The following ITGB8 variants were observed in gnomAD, a reference collection of about 807,000 sequenced individuals.
The protein encoded by ITGB8 is integrin subunit beta 8.
Under a neutral mutation model 89.5 loss-of-function variants are expected in ITGB8, and 30 were observed. The ratio of observed to expected loss-of-function variants is 0.34; its 90% CI spans 0.25 to 0.45. The LOEUF (loss-of-function observed/expected upper bound fraction) is 0.45, where lower values mean the gene tolerates loss of function less well. Among genes scored for constraint, ITGB8 ranks in the 20% least tolerant of loss-of-function variants. ITGB8 has a pLI of 1.00. For missense variants in ITGB8, 836 were observed against 933.3 expected, an observed-to-expected ratio of 0.90 and a Z score of 1.36; for synonymous variants, 335 against 320.4, an observed-to-expected ratio of 1.05 and a Z score of -0.49.
At chr7:20,402,406 AG>A (rs2127983147) in intron 10 of ITGB8, among the ~76,000 whole-genome samples, 1 of 152,362 alleles carries the variant, frequency 6.6e-6, no homozygotes, top group Admixed American at 6.5e-5. Context: ...GAAATATACC[AG>A]AAAAGGAAAT....
At chr7:20,384,625 T>A (rs1786530524) in intron 6 of ITGB8, among the ~76,000 whole-genome samples, 1 of 152,218 alleles carries the variant, frequency 6.6e-6, no homozygotes, top group African/African-American at 2.4e-5. Flanking sequence ...CATTAATAAA[T>A]TGCAGAGTTG....
intron 3 of ITGB8, among the ~76,000 whole-genome samples, chr7:20,370,049 A>G (rs1039152805): frequency 1.3e-5 from 2 of 151,924 alleles, no homozygotes; most frequent in African/African-American, 4.8e-5. Context: ...CAAAAAAAAC[A>G]TAAGAAAAAC....
In ITGB8 at chr7:20,401,881, G is replaced by T; in HGVS notation, c.1442G>T (p.Cys481Phe). The change falls in exon 10 of 14, where the codon TGT becomes TTT. Residue 481 changes from cysteine (C) to phenylalanine (F), a missense_variant. By Grantham distance (205) the Cys-to-Phe change is radical. Coordinates refer to ENST00000222573, the MANE Select transcript of ITGB8 (RefSeq NM_002214.3). ...GACAACAGAGGACCTAAAGGAAAGT[G>T]TGTAGATGAAACTTTTCTAGATTCC... ...CEDNRGPKGKCVDETFLDSKC... is the reference protein window; with the variant it reads ...CEDNRGPKGKFVDETFLDSKC... 6.2e-7 allele frequency: 1 copy of T among 1,614,110 alleles called. No individual in the cohort carries two copies. The highest frequency in any genetic ancestry group is 8.5e-7 in the Non-Finnish European group (1 of 1,179,990).
chr7:20,406,012 C>A, intron 11 of ITGB8, 50 bp from the exon 12 acceptor site: 2 of 1,079,782 alleles, frequency 1.9e-6, no homozygotes, highest in South Asian at 1.3e-5. Context: ...ATATTATAGT[C>A]CACCACCTTT....
At chr7:20,351,850 A>G (rs1785123907) in intron 1 of ITGB8, among the ~76,000 whole-genome samples, 1 of 150,728 alleles carries the variant, frequency 6.6e-6, no homozygotes. Context: ...CTCCTTAACC[A>G]TGGCATTTGA....
chr7:20,403,598 C>A (rs1427374725), intron 10 of ITGB8, among the ~76,000 whole-genome samples: 1 of 152,152 alleles, frequency 6.6e-6, no homozygotes, highest in Non-Finnish European at 1.5e-5. Context: ...GAGGGCTTGG[C>A]CGACATTTGT....
chr7:20,360,596 G>A (rs557112695), intron 1 of ITGB8, among the ~76,000 whole-genome samples: 26 of 152,150 alleles, frequency 1.7e-4, no homozygotes, highest in African/African-American at 4.6e-4. Context: ...AACACGTACT[G>A]TTTGGTTTTT....
chr7:20,361,946 G>C (rs148053032), intron 1 of ITGB8, among the ~76,000 whole-genome samples: 172 of 152,290 alleles, frequency 1.1e-3, no homozygotes, highest in African/African-American at 3.6e-3. Context: ...TATACACAAA[G>C]TTGATATAAA....
chr7:20,345,619 C>G (rs1164387914), intron 1 of ITGB8, among the ~76,000 whole-genome samples: 1 of 151,978 alleles, frequency 6.6e-6, no homozygotes, highest in East Asian at 1.9e-4. Flanking sequence ...GGCTATGAAG[C>G]AATGTGAGAA....
At chr7:20,333,799 G>A (rs757739315) in intron 1 of ITGB8, among the ~76,000 whole-genome samples, 1 of 152,062 alleles carries the variant, frequency 6.6e-6, no homozygotes, top group Non-Finnish European at 1.5e-5. Flanking sequence ...TGATTTGCAT[G>A]GCAGTTAAAA....
intron 10 of ITGB8, 147 bp from the exon 11 acceptor site, chr7:20,404,481 G>C: frequency 1.4e-6 from 1 of 694,322 alleles, no homozygotes; most frequent in Non-Finnish European, 2.5e-6. Flanking sequence ...AGCACTGTTT[G>C]TGTCAGACCA....
intron 3 of ITGB8, among the ~76,000 whole-genome samples, chr7:20,374,841 C>G (rs778207303): frequency 2.6e-5 from 4 of 152,178 alleles, no homozygotes; most frequent in Admixed American, 6.5e-5. Context: ...CATTGGCCAT[C>G]TGGTGGAGAG....
At chr7:20,353,723 G>C (rs974108787) in intron 1 of ITGB8, among the ~76,000 whole-genome samples, 3 of 147,214 alleles carry the variant, frequency 2.0e-5, no homozygotes, top group African/African-American at 5.4e-5. Flanking sequence ...CACGAGGTCA[G>C]GAGATCGAGA....
At chr7:20,394,369 T>C (rs528416921) in intron 7 of ITGB8, among the ~76,000 whole-genome samples, 62 of 152,250 alleles carry the variant, frequency 4.1e-4, no homozygotes, top group African/African-American at 1.4e-3. Flanking sequence ...CAAGAACACA[T>C]ACCCCATGAA....
intron 12 of ITGB8, among the ~76,000 whole-genome samples, chr7:20,406,410 C>A (rs999704624): frequency 1.3e-5 from 2 of 152,004 alleles, no homozygotes; most frequent in African/African-American, 4.8e-5. Context: ...ATTGGCCAGG[C>A]GCAGTGGCGG....
chr7:20,380,044 A>G (rs992442128), intron 4 of ITGB8: 1 of 152,252 alleles, frequency 6.6e-6, no homozygotes, highest in African/African-American at 2.4e-5. Flanking sequence ...TACAATACAC[A>G]TTCCAATTTA....
At chr7:20,409,557 G>T in intron 12 of ITGB8, 58 bp from the exon 13 acceptor site, 1 of 1,146,416 alleles carries the variant, frequency 8.7e-7, no homozygotes, top group South Asian at 1.5e-5. Context: ...TTACTTGATA[G>T]ACTCTTTGAT....
rs943878446 is a variant in ITGB8 at position 20,338,601 on chromosome 7, C to T, written c.127+6668C>T. 2.0e-5 allele frequency among the ~76,000 whole-genome samples: 3 copies of T among 152,010 alleles called. No individual in the cohort carries two copies. The South Asian group carries it at 6.2e-4, about 32-fold the overall frequency. On this transcript the variant is annotated intron_variant, in intron 1 of 13. Transcript: ENST00000222573. Reference sequence around the variant, plus strand: ...AAGATCATGCCACAGCACTCCAGGCCTGGGCAACAGAGCAAGATTGCATCT... The same window carrying T: ...AAGATCATGCCACAGCACTCCAGGCTTGGGCAACAGAGCAAGATTGCATCT...
At chr7:20,389,616 G>A (rs561054157) in intron 6 of ITGB8, among the ~76,000 whole-genome samples, 1 of 152,160 alleles carries the variant, frequency 6.6e-6, no homozygotes, top group East Asian at 1.9e-4. Context: ...AATTAAGAAG[G>A]GTGAATGCTT....
Sources: gnomAD v4.1 joint callset for allele counts (sites outside exome capture counted in the v4.1 genomes callset) on GRCh38, gnomAD v4.1.1 for gene constraint, MANE v1.5 for transcripts, NCBI Gene and HGNC (gene_info 2026-07-23, HGNC 2026-07-21) for gene names.